TRAPPC10: variants seen among roughly 807,000 people sequenced by gnomAD.
The protein encoded by TRAPPC10 is trafficking protein particle complex subunit 10, also known as TRAPP 130 kDa subunit.
TRAPPC10 carries 23 observed loss-of-function variants against 125.5 expected under a neutral mutation model. The ratio of observed to expected loss-of-function variants is 0.18; its 90% CI spans 0.13 to 0.26. TRAPPC10 has a LOEUF of 0.26. TRAPPC10 is among the 10% of genes least tolerant of loss of function. TRAPPC10 has a pLI of 1.00. For synonymous variants in TRAPPC10, 509 were observed against 518.0 expected (o/e 0.98, Z 0.24); for missense variants, 1,123 against 1,308.4 (o/e 0.86, Z 2.19).
In TRAPPC10 at chr21:44,059,490, A is replaced by G. The variant is rs2035875188; in HGVS notation, c.790+276A>G. The G allele has an allele frequency of 1.3e-6, 1 of 756,558 alleles. No homozygotes were observed. Among genetic ancestry groups the G allele is most frequent in the South Asian group, 1.4e-5 (1 of 70,536 alleles). The allele number at this position is 756,558 out of a possible 1,614,324, so 46.9% of individuals were successfully genotyped here. The stretch of plus-strand genomic sequence containing the variant: ...GTATAAAATGTCCTTTCCACAACTC[A>G]GTGGCCTGCTGGTGATGCTTCGATT... On this transcript the variant is annotated intron_variant, in intron 6 of 22. Transcript: ENST00000291574. This position sits in a 1 kb window ranked among gnomAD's most constrained non-coding sequence, Gnocchi z 4.4.
chr21:44,060,001 G>A (rs1354895157), intron 6 of TRAPPC10: 1 of 154,920 alleles, frequency 6.5e-6, no homozygotes, highest in Non-Finnish European at 1.4e-5. Flanking sequence ...GTCACCATGT[G>A]TGAAGGAAGG....
In TRAPPC10 at chr21:44,082,933, G is replaced by C. The variant is rs1318009786; in HGVS notation, c.1869G>C (p.Glu623Asp). The C allele has an allele frequency of 1.9e-6, 3 of 1,614,024 alleles. No homozygotes were observed. The East Asian group carries it at 6.7e-5, about 36-fold the overall frequency. ...YSQMPVPVHVEQIVVNVHFSI... is the reference protein window; with the variant it reads ...YSQMPVPVHVDQIVVNVHFSI... ...AGATGCCTGTGCCTGTTCACGTGGA[G>C]CAGATTGTGGTCAATGTCCACTTCA... Residue 623 changes from glutamate to aspartate, a missense_variant, in exon 14 of 23, where the codon GAG becomes GAC. Transcript: ENST00000291574. This position sits in a 1 kb window ranked among gnomAD's most constrained non-coding sequence, Gnocchi z 4.4.
chr21:44,028,128 G>A lies in TRAPPC10; in HGVS notation c.68-3963G>A, dbSNP rs373337205. ...TTCTTATTTGCTTTGAACATAAAAG[G>A]TTTTAAATTACACAAGTAATGCATG... On this transcript the variant is annotated intron_variant, in intron 1 of 22. Transcript: ENST00000291574. 3.7e-4 allele frequency among the ~76,000 whole-genome samples: 57 copies of A among 152,262 alleles called. 1 individual carries two copies. Among genetic ancestry groups the A allele is most frequent in the African/African-American group, 1.3e-3 (55 of 41,548 alleles).
chr21:44,024,399 A>G (rs910021120), intron 1 of TRAPPC10, among the ~76,000 whole-genome samples: 11 of 152,204 alleles, frequency 7.2e-5, no homozygotes, highest in African/African-American at 2.4e-4. Flanking sequence ...GGTGGTGCTG[A>G]TGCTGAAGGG....
intron 3 of TRAPPC10, chr21:44,046,527 G>GGATTGAATTTCGCTCTT (rs2034824969): frequency 5.4e-6 from 1 of 184,778 alleles, no homozygotes; most frequent in African/African-American, 2.5e-5. Context: ...TTTTTTGGGG[G>GGATTGAATTTCGCTCTT]GAGGATTGAA....
chr21:44,059,300 C>A lies in TRAPPC10; in HGVS notation c.790+86C>A. 1 of 903,038 alleles carries A rather than the reference C, an allele frequency of 1.1e-6. No homozygotes were observed. The highest frequency in any genetic ancestry group is 1.7e-6 in the Non-Finnish European group (1 of 578,690). 55.9% of individuals were successfully genotyped at this position (903,038 alleles called of 1,614,324 possible). Reference sequence around the variant, plus strand: ...TAGGCTTGAAGCAGCCATTTATTTACCTCAGGAGTACGCATGTTTTGTTGT... The same window carrying A: ...TAGGCTTGAAGCAGCCATTTATTTAACTCAGGAGTACGCATGTTTTGTTGT... On this transcript the variant is annotated intron_variant, in intron 6 of 22. Transcript: ENST00000291574. This position sits in a 1 kb window ranked among gnomAD's most constrained non-coding sequence, Gnocchi z 4.4.
chr21:44,017,696 C>T (rs1014707096), intron 1 of TRAPPC10, among the ~76,000 whole-genome samples: 2 of 151,732 alleles, frequency 1.3e-5, no homozygotes, highest in African/African-American at 4.8e-5. Context: ...TCTGTGGCAC[C>T]TCTCACCTGA....
At chr21:44,020,621 G>C (rs187034516) in intron 1 of TRAPPC10, among the ~76,000 whole-genome samples, 2 of 151,994 alleles carry the variant, frequency 1.3e-5, no homozygotes, top group Admixed American at 1.3e-4. Context: ...GCGACAGAGT[G>C]AGACCCTGTC....
intron 17 of TRAPPC10, chr21:44,088,256 A>C (rs1450770795): frequency 4.5e-5 from 15 of 331,804 alleles, no homozygotes; most frequent in Non-Finnish European, 5.7e-5. Flanking sequence ...AGGCCAGAGG[A>C]GGTCTGTGTC....
intron 1 of TRAPPC10, among the ~76,000 whole-genome samples, chr21:44,013,276 A>G: frequency 6.6e-6 from 1 of 152,188 alleles, no homozygotes; most frequent in African/African-American, 2.4e-5. Context: ...CTGTTACGGG[A>G]AAAATGTTCC....
intron 3 of TRAPPC10, among the ~76,000 whole-genome samples, chr21:44,039,426 T>G (rs1430551065): frequency 6.6e-6 from 1 of 152,176 alleles, no homozygotes; most frequent in East Asian, 1.9e-4. Context: ...ATGTTTTAGG[T>G]TCTGGGAGCT....
chr21:44,057,061 C>T lies in TRAPPC10; in HGVS notation c.678+1168C>T, dbSNP rs949954307. On this transcript the variant is annotated intron_variant, in intron 5 of 22. Transcript: ENST00000291574. Reference sequence around the variant, plus strand: ...TGGATGGGCCTAGAGGACATGATGCCGAGTGAAATAAGGCACATAGGGACA... The same window carrying T: ...TGGATGGGCCTAGAGGACATGATGCTGAGTGAAATAAGGCACATAGGGACA... Among the ~76,000 whole-genome samples, 5 of 151,962 alleles carry T rather than the reference C, an allele frequency of 3.3e-5. No homozygotes were observed. In the South Asian group the frequency reaches 6.2e-4, roughly 19 times the overall value.
intron 1 of TRAPPC10, among the ~76,000 whole-genome samples, chr21:44,026,371 G>A (rs1472945974): frequency 1.3e-5 from 2 of 152,018 alleles, no homozygotes; most frequent in Non-Finnish European, 2.9e-5. Context: ...CATTATACAC[G>A]AATTATAGCA....
chr21:44,049,650 T>C (rs763078384), intron 3 of TRAPPC10, among the ~76,000 whole-genome samples: 1 of 152,190 alleles, frequency 6.6e-6, no homozygotes, highest in Non-Finnish European at 1.5e-5. Flanking sequence ...TCACATCTTG[T>C]TCTGTACTTC....
At chr21:44,017,598 AATAT>A (rs936053155) in intron 1 of TRAPPC10, among the ~76,000 whole-genome samples, 11 of 152,210 alleles carry the variant, frequency 7.2e-5, no homozygotes, top group African/African-American at 2.4e-4. Context: ...TTTGAAAAAA[AATAT>A]ATATAAGTTG....
intron 7 of TRAPPC10, among the ~76,000 whole-genome samples, chr21:44,065,665 C>G: frequency 6.6e-6 from 1 of 152,114 alleles, no homozygotes; most frequent in East Asian, 1.9e-4. Context: ...GCTGGCTGCG[C>G]CTCCTTACAT....
chr21:44,086,822 C>G lies in TRAPPC10; in HGVS notation c.2401C>G (p.Pro801Ala). The change falls in exon 16 of 23, where the codon CCT (proline) becomes GCT (alanine). Residue 801 changes from proline (P) to alanine (A), a missense_variant. By Grantham distance (27) the Pro-to-Ala change is conservative. Around this residue, in one of 4 missense-constraint regions of TRAPPC10, gnomAD observed 840 missense variants for 902.0 expected, o/e 0.93. Transcript: ENST00000291574. Reference protein sequence around the residue: ...PLADSLLAGIPQRVKFTVTTG... With the variant: ...PLADSLLAGIAQRVKFTVTTG... ...TTTAGATAGCCTTCTGGCAGGCATT[C>G]CTCAGAGAGTCAAGTTCACTGTCAC... The G allele has an allele frequency of 1.2e-6, 2 of 1,614,156 alleles. No individual in the cohort carries two copies. Among genetic ancestry groups the G allele is most frequent in the South Asian group, 1.1e-5 (1 of 91,082 alleles).
At position 44,044,660 on chromosome 21, in the gene TRAPPC10, C is replaced by CTTT. The variant is rs34356064; in HGVS notation, c.285+6754_285+6756dup. Among the ~76,000 whole-genome samples the CTTT allele has an allele frequency of 2.9e-3, 250 of 86,320 alleles. 2 individuals are homozygous for CTTT. The highest frequency in any genetic ancestry group is 8.6e-3 in the African/African-American group (154 of 17,898). 56.6% of individuals were successfully genotyped at this position (86,320 alleles called of 152,430 possible). On this transcript the variant is annotated intron_variant, in intron 3 of 22. Coordinates refer to ENST00000291574, the MANE Select transcript of TRAPPC10 (RefSeq NM_003274.5). ...GAGAGATTAAAATAGAAAATCATGT[C>CTTT]TTTTTTTTTTTTTTTTTTTTTTTGA...
chr21:44,017,695 C>T (rs2032024591), intron 1 of TRAPPC10, among the ~76,000 whole-genome samples: 1 of 151,824 alleles, frequency 6.6e-6, no homozygotes, highest in South Asian at 2.1e-4. Context: ...CTCTGTGGCA[C>T]CTCTCACCTG....
Sources: allele counts gnomAD v4.1 joint callset (sites outside exome capture counted in the v4.1 genomes callset), GRCh38; gene constraint gnomAD v4.1.1; regional missense constraint gnomAD v4.1.1; non-coding constraint Gnocchi (gnomAD v3.1); transcripts MANE v1.5; gene names NCBI Gene and HGNC (gene_info 2026-07-23, HGNC 2026-07-21).